Variants in AFG2A observed in about 807,000 individuals in gnomAD.
AFG2A encodes AAA ATPase AFG2A.
the AFG2A span, among the ~76,000 whole-genome samples, chr4:123,115,057 A>C: frequency 6.6e-6 from 1 of 152,150 alleles, no homozygotes; most frequent in Non-Finnish European, 1.5e-5. Flanking sequence ...GACTGTTGCC[A>C]CTGCTGCTCT....
At chr4:123,143,666 T>C in the AFG2A span, among the ~76,000 whole-genome samples, 1 of 151,646 alleles carries the variant, frequency 6.6e-6, no homozygotes, top group Non-Finnish European at 1.5e-5. Context: ...CATTATATAC[T>C]AATAAAGTTA....
chr4:122,936,834 G>A, the AFG2A span, among the ~76,000 whole-genome samples: 41 of 152,264 alleles, frequency 2.7e-4, no homozygotes, highest in East Asian at 3.1e-3. Context: ...ACAAAAATTA[G>A]CCAGGTGTGG....
At chr4:123,173,340 G>GTTTTT in the AFG2A span, among the ~76,000 whole-genome samples, 187 of 70,302 alleles carry the variant, frequency 2.7e-3, 14 homozygotes, top group African/African-American at 6.4e-3. Flanking sequence ...AAGTCCAATG[G>GTTTTT]TTTTTTTTTT....
At chr4:123,017,965 T>C in the AFG2A span, among the ~76,000 whole-genome samples, 1 of 152,230 alleles carries the variant, frequency 6.6e-6, no homozygotes, top group African/African-American at 2.4e-5. Flanking sequence ...ATTTTTCTAA[T>C]GTCTGTAGCT....
chr4:122,999,266 C>T, the AFG2A span, among the ~76,000 whole-genome samples: 1 of 151,994 alleles, frequency 6.6e-6, no homozygotes, highest in Non-Finnish European at 1.5e-5. Flanking sequence ...GTTGCCTGCT[C>T]ACTCTGCTGG....
the AFG2A span, among the ~76,000 whole-genome samples, chr4:122,995,213 A>G: frequency 6.6e-6 from 1 of 152,088 alleles, no homozygotes; most frequent in Non-Finnish European, 1.5e-5. Context: ...ATGATGCTTT[A>G]TTAAATAAAA....
chr4:123,032,571 A>C, the AFG2A span, among the ~76,000 whole-genome samples: 1 of 152,072 alleles, frequency 6.6e-6, no homozygotes, highest in Non-Finnish European at 1.5e-5. Flanking sequence ...ATCCACGACT[A>C]TGCCCGACTA....
At chr4:123,013,572 A>T in the AFG2A span, among the ~76,000 whole-genome samples, 2 of 152,306 alleles carry the variant, frequency 1.3e-5, no homozygotes, top group South Asian at 4.1e-4. Flanking sequence ...CAGGGAGGGA[A>T]ACATCACACA....
At chr4:123,160,715 T>TA in the AFG2A span, among the ~76,000 whole-genome samples, 2 of 151,804 alleles carry the variant, frequency 1.3e-5, no homozygotes, top group African/African-American at 2.4e-5. Context: ...TTTTCTTTTG[T>TA]TTTTTTTAAA....
At chr4:123,089,200 G>T in the AFG2A span, among the ~76,000 whole-genome samples, 2 of 152,124 alleles carry the variant, frequency 1.3e-5, no homozygotes, top group East Asian at 3.8e-4. Context: ...GAACTTATAA[G>T]TCTAAATACT....
chr4:123,266,817 C>CT, the AFG2A span, among the ~76,000 whole-genome samples: 39 of 151,922 alleles, frequency 2.6e-4, 2 homozygotes, highest in Admixed American at 4.6e-4. Context: ...TTATTCCTAA[C>CT]TTTTTTTACA....
At chr4:123,132,594 G>A in the AFG2A span, among the ~76,000 whole-genome samples, 13 of 70,106 alleles carry the variant, frequency 1.9e-4, no homozygotes, top group South Asian at 3.2e-3. Context: ...CATGATGTGT[G>A]TACATATATA....
chr4:123,238,211 G>T, the AFG2A span, among the ~76,000 whole-genome samples: 2 of 152,206 alleles, frequency 1.3e-5, no homozygotes, highest in African/African-American at 4.8e-5. Flanking sequence ...AGCTCAGGAA[G>T]GCCTACTGCC....
chr4:123,299,116 AAT>A, the AFG2A span, among the ~76,000 whole-genome samples: 282 of 72,210 alleles, frequency 3.9e-3, no homozygotes, highest in Non-Finnish European at 5.4e-3. Flanking sequence ...TGCATCTGCC[AAT>A]GTGTGTGTGT....
the AFG2A span, among the ~76,000 whole-genome samples, chr4:123,125,700 G>C: frequency 6.6e-6 from 1 of 152,108 alleles, no homozygotes; most frequent in Non-Finnish European, 1.5e-5. Context: ...TGCTGACTCT[G>C]AGTCTAGTAC....
chr4:123,251,170 C>A, the AFG2A span, among the ~76,000 whole-genome samples: 1 of 152,098 alleles, frequency 6.6e-6, no homozygotes, highest in Non-Finnish European at 1.5e-5. Flanking sequence ...GCTGTATATC[C>A]TTTGCTGTGT....
At chr4:123,050,049 T>A in the AFG2A span, among the ~76,000 whole-genome samples, 2 of 152,140 alleles carry the variant, frequency 1.3e-5, no homozygotes, top group Non-Finnish European at 2.9e-5. Context: ...ATTTTCTTTT[T>A]TTTTGGTGGA....
At chr4:123,005,323 G>C in the AFG2A span, among the ~76,000 whole-genome samples, 1 of 152,030 alleles carries the variant, frequency 6.6e-6, no homozygotes, top group Admixed American at 6.6e-5. Context: ...GCTAATTTTT[G>C]TATTTTTAGT....
the AFG2A span, among the ~76,000 whole-genome samples, chr4:123,108,193 C>G: frequency 1.3e-5 from 2 of 152,132 alleles, no homozygotes; most frequent in African/African-American, 4.8e-5. Flanking sequence ...AGTTTCGGGT[C>G]AGAAATAAGT....
Sources: allele counts gnomAD v4.1 joint callset (sites outside exome capture counted in the v4.1 genomes callset), GRCh38; gene constraint gnomAD v4.1.1; transcripts MANE v1.5; gene names NCBI Gene and HGNC (gene_info 2026-07-23, HGNC 2026-07-21).